Variants in PIWIL1 observed in about 807,000 individuals in gnomAD.
PIWIL1 encodes piwi like RNA-mediated gene silencing 1, also known as piwi-like protein 1.
Under a neutral mutation model 114.4 loss-of-function variants are expected in PIWIL1, and 73 were observed. The observed-to-expected ratio is 0.64, with a 90% CI of 0.53 to 0.78. PIWIL1 has a LOEUF of 0.78. PIWIL1 is among the 30% of genes least tolerant of loss of function. PIWIL1 has a pLI of 0.00. For synonymous variants in PIWIL1, 375 were observed against 369.0 expected (o/e 1.02, Z -0.19); for missense variants, 723 against 1,063.1 (o/e 0.68, Z 4.45).
chr12:130,339,021 C>T (rs1180061241), intron 1 of PIWIL1, among the ~76,000 whole-genome samples: 2 of 151,972 alleles, frequency 1.3e-5, no homozygotes, highest in Non-Finnish European at 1.5e-5. Context: ...CCTTCGGGAC[C>T]TCCCGCACTA....
chr12:130,353,629 T>G (rs757137828), intron 9 of PIWIL1, among the ~76,000 whole-genome samples: 7 of 152,124 alleles, frequency 4.6e-5, no homozygotes, highest in Non-Finnish European at 8.8e-5. Context: ...TTTGAGGACA[T>G]TAAATCATGA....
chr12:130,347,157 A>T (rs1018587130), intron 6 of PIWIL1, 95 bp downstream of exon 6: 1 of 929,292 alleles, frequency 1.1e-6, no homozygotes, highest in Non-Finnish European at 1.7e-6. Context: ...GATTTTCAGC[A>T]TTGGTTGGGA....
chr12:130,368,096 C>T (rs933012652), intron 19 of PIWIL1, among the ~76,000 whole-genome samples: 1 of 152,174 alleles, frequency 6.6e-6, no homozygotes, highest in Non-Finnish European at 1.5e-5. Context: ...CCACGCCCAG[C>T]CGAAACTTGT....
At chr12:130,392,048 T>C in the PIWIL1 span, among the ~76,000 whole-genome samples, 2,253 of 132,190 alleles carry the variant, frequency 0.017, no homozygotes, top group Middle Eastern at 0.069. Flanking sequence ...GAATATTGAA[T>C]GTTGTGATGA....
At chr12:130,394,822 ATGAGAAGTAACTGC>A in the PIWIL1 span, among the ~76,000 whole-genome samples, 34,269 of 152,032 alleles carry the variant, frequency 0.23, 4,198 homozygotes, top group South Asian at 0.28. Flanking sequence ...GTTTATGTGC[ATGAGAAGTAACTGC>A]AAAACGAAAT....
the PIWIL1 span, among the ~76,000 whole-genome samples, chr12:130,418,759 A>G: frequency 6.6e-6 from 1 of 152,170 alleles, no homozygotes; most frequent in Non-Finnish European, 1.5e-5. Context: ...CCTACGTAAG[A>G]GTGCATTTTC....
chr12:130,409,404 G>A, the PIWIL1 span, among the ~76,000 whole-genome samples: 17 of 142,536 alleles, frequency 1.2e-4, no homozygotes, highest in African/African-American at 3.4e-4. Context: ...GTGCAGTGGC[G>A]CGATCCCGGC....
intron 7 of PIWIL1, among the ~76,000 whole-genome samples, chr12:130,348,656 A>G (rs938196588): frequency 2.0e-5 from 3 of 152,182 alleles, no homozygotes; most frequent in Admixed American, 6.5e-5. Flanking sequence ...TAGTCCCAGC[A>G]CTTTGGGAGT....
chr12:130,409,646 A>G, the PIWIL1 span, among the ~76,000 whole-genome samples: 1 of 152,164 alleles, frequency 6.6e-6, no homozygotes, highest in Non-Finnish European at 1.5e-5. Flanking sequence ...CCCGGCCCAG[A>G]ATGTAGCTTT....
At chr12:130,344,751 C>A (rs992298383) in intron 3 of PIWIL1, among the ~76,000 whole-genome samples, 1 of 152,156 alleles carries the variant, frequency 6.6e-6, no homozygotes, top group East Asian at 1.9e-4. Context: ...ATTCCAGGCT[C>A]CATGGGCAGG....
chr12:130,401,516 C>T, the PIWIL1 span, among the ~76,000 whole-genome samples: 1 of 151,906 alleles, frequency 6.6e-6, no homozygotes, highest in Non-Finnish European at 1.5e-5. Context: ...CTGCCAGGTG[C>T]ACACTCACTG....
the PIWIL1 span, among the ~76,000 whole-genome samples, chr12:130,385,153 G>A: frequency 2.6e-5 from 4 of 152,194 alleles, no homozygotes; most frequent in Non-Finnish European, 5.9e-5. Context: ...TGTGTAGTTA[G>A]TTGGCTTGGT....
chr12:130,406,549 A>G, the PIWIL1 span, among the ~76,000 whole-genome samples: 4 of 152,232 alleles, frequency 2.6e-5, no homozygotes, highest in Admixed American at 6.5e-5. Flanking sequence ...GTTAATTGTA[A>G]AAACCTGGAA....
At chr12:130,405,418 G>A in the PIWIL1 span, among the ~76,000 whole-genome samples, 2 of 152,282 alleles carry the variant, frequency 1.3e-5, no homozygotes, top group East Asian at 1.9e-4. Flanking sequence ...TGATAAAGGC[G>A]GTGGGGGAGC....
chr12:130,338,290 GGGTGCGGGGTCGAGGTCCCA>G (rs2072772598), intron 1 of PIWIL1, 144 bp downstream of exon 1: 1 of 205,980 alleles, frequency 4.9e-6, no homozygotes, highest in Non-Finnish European at 9.7e-6. Context: ...TGCAGGAGCC[GGGTGCGGGGTCGAGGTCCCA>G]GGTGCGGGAG....
At chr12:130,356,648 C>T (rs747790806) in intron 12 of PIWIL1, among the ~76,000 whole-genome samples, 7 of 152,070 alleles carry the variant, frequency 4.6e-5, no homozygotes, top group Non-Finnish European at 7.4e-5. Flanking sequence ...AAGGAGAATG[C>T]GACTAAAGCA....
Position 130,342,223 on chromosome 12 carries a change from A to G in PIWIL1, c.-12-357A>G, listed in dbSNP as rs372885218. On this transcript the variant is annotated intron_variant, in intron 1 of 20. Transcript: ENST00000245255. ...ATGGGAGTATGTGTTAAGTGTGTGT[A>G]CATGTGTATCTCCAAATGGGAAAGA... is the stretch of plus-strand genomic sequence containing the variant. The G allele has an allele frequency of 2.3e-4, 66 of 288,638 alleles. 2 individuals are homozygous for G. The highest frequency in any genetic ancestry group is 1.5e-3 in the South Asian group (35 of 23,552). The allele number at this position is 288,638 out of a possible 1,614,324, so 17.9% of individuals were successfully genotyped here. A position where few individuals can be genotyped will look rare whatever the true frequency, so the allele number is the denominator to read the frequency against.
chr12:130,356,285 ATT>A (rs200936813), intron 12 of PIWIL1, among the ~76,000 whole-genome samples: 9 of 141,690 alleles, frequency 6.4e-5, no homozygotes, highest in African/African-American at 2.3e-4. Context: ...CAACATTTTC[ATT>A]TTTTTTTTTT....
Position 130,367,215 on chromosome 12 carries a change from C to G in PIWIL1, c.2278C>G (p.Leu760Val). 6.2e-7 allele frequency: 1 copy of G among 1,614,154 alleles called. No individual in the cohort carries two copies. Among genetic ancestry groups the G allele is most frequent in the Non-Finnish European group, 8.5e-7 (1 of 1,180,000 alleles). ...AQSGGRLQNP[L>V]PGTVIDVEVT... The stretch of plus-strand genomic sequence containing the variant: ...GTCTGGAGGAAGACTTCAGAATCCA[C>G]TTCCTGGAACAGTTATTGATGTAGA... Residue 760 changes from leucine (L) to valine (V), a missense_variant, in exon 19 of 21, where the codon CTT becomes GTT. Leu to Val is a conservative substitution (Grantham distance 32). This residue lies in a region of PIWIL1 where 106 missense variants were observed against 182.8 expected (regional missense o/e 0.58). Transcript: ENST00000245255.
Sources: gnomAD v4.1 joint callset for allele counts (sites outside exome capture counted in the v4.1 genomes callset) on GRCh38, gnomAD v4.1.1 for gene constraint, gnomAD v4.1.1 regional missense constraint, MANE v1.5 for transcripts, NCBI Gene and HGNC (gene_info 2026-07-23, HGNC 2026-07-21) for gene names.